Variants in PCDHGA4 observed in about 807,000 individuals in gnomAD.
The protein encoded by PCDHGA4 is protocadherin gamma subfamily A, 4.
PCDHGA4 carries 38 observed loss-of-function variants against 54.6 expected under a neutral mutation model. That is an observed-to-expected ratio of 0.70 (90% CI 0.54 to 0.91). The LOEUF is 0.91. PCDHGA4 is among the 40% of genes least tolerant of loss of function. PCDHGA4 has a pLI of 0.00. For missense variants in PCDHGA4, 1,298 were observed against 1,220.9 expected, an observed-to-expected ratio of 1.06 and a Z score of -0.94; for synonymous variants, 511 against 512.9, an observed-to-expected ratio of 1.00 and a Z score of 0.05.
intron 1 of PCDHGA4, among the ~76,000 whole-genome samples, chr5:141,454,250 C>T (rs1453631901): frequency 6.6e-6 from 1 of 151,974 alleles, no homozygotes; most frequent in African/African-American, 2.4e-5. Context: ...TGAAGATGTC[C>T]CAGAGAAAGT....
At chr5:141,448,523 A>G (rs2098593853) in intron 1 of PCDHGA4, among the ~76,000 whole-genome samples, 1 of 152,166 alleles carries the variant, frequency 6.6e-6, no homozygotes, top group African/African-American at 2.4e-5. Context: ...TTTATTAAGC[A>G]TCCTGTCAGC....
intron 1 of PCDHGA4, among the ~76,000 whole-genome samples, chr5:141,459,962 C>T (rs994878993): frequency 5.3e-5 from 8 of 152,290 alleles, no homozygotes; most frequent in South Asian, 2.1e-4. Flanking sequence ...CCTGTAATCC[C>T]AGCTACTCAG....
rs2099641960 is a variant in PCDHGA4 at position 141,487,259 on chromosome 5, T to C, written c.2515-7548T>C. On this transcript the variant is annotated intron_variant, in intron 1 of 3. Coordinates refer to ENST00000571252, the MANE Select transcript of PCDHGA4 (RefSeq NM_018917.4). This position sits in a 1 kb window ranked among gnomAD's most constrained non-coding sequence, Gnocchi z 5.0. ...TCGTCTAACCCTCTACTTGGCTGTG[T>C]CCCTAGTGGCAATTTGCTTTGTCTC... 6.2e-7 allele frequency: 1 copy of C among 1,614,132 alleles called. No homozygotes were observed. Among genetic ancestry groups the C allele is most frequent in the Non-Finnish European group, 8.5e-7 (1 of 1,180,012 alleles).
intron 1 of PCDHGA4, chr5:141,398,587 C>A (rs2093675414): frequency 6.2e-7 from 1 of 1,613,860 alleles, no homozygotes. Flanking sequence ...AAGATTTATA[C>A]TAGAAGTAGC....
chr5:141,392,882 G>A (rs1394691115), intron 1 of PCDHGA4: 2 of 1,613,502 alleles, frequency 1.2e-6, no homozygotes, highest in Non-Finnish European at 1.7e-6. Flanking sequence ...TGGGAACGCT[G>A]TGGGAAATCG....
intron 1 of PCDHGA4, chr5:141,408,648 G>A: frequency 2.5e-6 from 4 of 1,613,922 alleles, no homozygotes; most frequent in South Asian, 2.2e-5. Flanking sequence ...GCATCCGCTG[G>A]TACACGACTA....
At chr5:141,364,161 C>A in intron 1 of PCDHGA4, 1 of 652,296 alleles carries the variant, frequency 1.5e-6, no homozygotes, top group Non-Finnish European at 2.3e-6. Flanking sequence ...GCCGCAGAGG[C>A]GACCCGACTC....
chr5:141,477,180 C>T lies in PCDHGA4; in HGVS notation c.2515-17627C>T. On this transcript the variant is annotated intron_variant, in intron 1 of 3. Coordinates refer to ENST00000571252, the MANE Select transcript of PCDHGA4 (RefSeq NM_018917.4). This position sits in a 1 kb window ranked among gnomAD's most constrained non-coding sequence, Gnocchi z 4.9. ...GACAACGCCCCGGAGATCACAGTCA[C>T]CTCCGTGTACAGCCCAGTACCCGAG... 1 of 1,614,196 alleles carries T rather than the reference C, an allele frequency of 6.2e-7. No homozygotes were observed. The highest frequency in any genetic ancestry group is 8.5e-7 in the Non-Finnish European group (1 of 1,180,032).
intron 1 of PCDHGA4, chr5:141,365,006 A>ACG: frequency 4.3e-6 from 7 of 1,613,882 alleles, no homozygotes; most frequent in Non-Finnish European, 5.9e-6. Flanking sequence ...CTCCGGCACC[A>ACG]CGCACATCCG....
intron 1 of PCDHGA4, chr5:141,404,287 C>T: frequency 6.2e-7 from 1 of 1,613,976 alleles, no homozygotes; most frequent in Non-Finnish European, 8.5e-7. Context: ...TGACTGACAT[C>T]AATGATAATC....
In PCDHGA4 at chr5:141,357,221, A is replaced by G. The variant is rs201265946; in HGVS notation, c.2114A>G (p.Asp705Gly). ...VADSIPDVLA[D>G]LGSLKPSADP... The stretch of plus-strand genomic sequence containing the variant: ...GACAGCATCCCAGATGTCCTGGCTG[A>G]CTTGGGCAGCCTCAAGCCTTCAGCA... The change falls in exon 1 of 4, where the codon GAC becomes GGC. Residue 705 changes from aspartate (D) to glycine (G), a missense_variant. Coordinates refer to ENST00000571252, the MANE Select transcript of PCDHGA4 (RefSeq NM_018917.4). 7.9e-5 allele frequency: 128 copies of G among 1,613,582 alleles called. No individual in the cohort carries two copies. Among genetic ancestry groups the G allele is most frequent in the Admixed American group, 2.2e-4 (13 of 59,986 alleles).
chr5:141,477,253 G>A lies in PCDHGA4; in HGVS notation c.2515-17554G>A, dbSNP rs1303718568. The A allele has an allele frequency of 1.9e-6, 3 of 1,614,154 alleles. No individual in the cohort carries two copies. The highest frequency in any genetic ancestry group is 2.2e-5 in the South Asian group (2 of 91,070). Reference sequence around the variant, plus strand: ...TCGCTTTGCTCAGTGTGACTGACCTGGATGCTGGCGAGAACGGGCTGGTGA... The same window carrying A: ...TCGCTTTGCTCAGTGTGACTGACCTAGATGCTGGCGAGAACGGGCTGGTGA... On this transcript the variant is annotated intron_variant, in intron 1 of 3. Transcript: ENST00000571252. This position sits in a 1 kb window ranked among gnomAD's most constrained non-coding sequence, Gnocchi z 4.9.
chr5:141,415,660 T>C, intron 1 of PCDHGA4: 2 of 1,583,052 alleles, frequency 1.3e-6, no homozygotes, highest in Non-Finnish European at 8.6e-7. Context: ...AAAGATTGGT[T>C]TTTACTTTGA....
chr5:141,444,325 C>G (rs2098432231), intron 1 of PCDHGA4, among the ~76,000 whole-genome samples: 1 of 151,840 alleles, frequency 6.6e-6, no homozygotes, highest in Non-Finnish European at 1.5e-5. Flanking sequence ...GCATGTGCCA[C>G]CACGCCCAGC....
chr5:141,502,655 C>T (rs72790073), intron 2 of PCDHGA4, among the ~76,000 whole-genome samples: 29,437 of 152,034 alleles, frequency 0.19, 2,877 homozygotes, highest in Middle Eastern at 0.24. Context: ...AGGCAGCAAC[C>T]CTTCATGCAA....
Position 141,489,398 on chromosome 5 carries a change from G to A in PCDHGA4, c.2515-5409G>A, listed in dbSNP as rs2099686644. On this transcript the variant is annotated intron_variant, in intron 1 of 3. Transcript: ENST00000571252. This position sits in a 1 kb window ranked among gnomAD's most constrained non-coding sequence, Gnocchi z 4.5. The stretch of plus-strand genomic sequence containing the variant: ...GTGGGGAATGTTGCTCAGGATCTGG[G>A]CTTAAAGATGACAGATCTGTTGAGC... 6.2e-7 allele frequency: 1 copy of A among 1,614,064 alleles called. No homozygotes were observed. The highest frequency in any genetic ancestry group is 1.3e-5 in the African/African-American group (1 of 74,910).
intron 1 of PCDHGA4, chr5:141,383,890 G>T: frequency 1.2e-6 from 2 of 1,613,936 alleles, no homozygotes; most frequent in East Asian, 2.2e-5. Context: ...TCTGACAAAG[G>T]CAAAAGTACT....
intron 1 of PCDHGA4, chr5:141,362,286 C>T: frequency 6.2e-7 from 1 of 1,614,082 alleles, no homozygotes; most frequent in Non-Finnish European, 8.5e-7. Flanking sequence ...GCCTGCGACT[C>T]TCTTCCAGGT....
intron 1 of PCDHGA4, chr5:141,364,354 G>A (rs1256054518): frequency 6.4e-7 from 1 of 1,554,444 alleles, no homozygotes; most frequent in Admixed American, 2.0e-5. Flanking sequence ...CTAGGGGCTG[G>A]GGCTGCGGAG....
Sources: allele counts gnomAD v4.1 joint callset (sites outside exome capture counted in the v4.1 genomes callset), GRCh38; gene constraint gnomAD v4.1.1; non-coding constraint Gnocchi (gnomAD v3.1); transcripts MANE v1.5; gene names NCBI Gene and HGNC (gene_info 2026-07-23, HGNC 2026-07-21).